The following MEGF11 variants were observed in gnomAD, a reference collection of about 807,000 sequenced individuals.
MEGF11 encodes the protein multiple EGF like domains 11.
Under a neutral mutation model 146.6 loss-of-function variants are expected in MEGF11, and 126 were observed. The observed-to-expected ratio is 0.86, with a 90% CI of 0.74 to 1.00. The LOEUF (loss-of-function observed/expected upper bound fraction) is 1.00, where lower values mean the gene tolerates loss of function less well. Among genes scored for constraint, MEGF11 ranks in the 50% least tolerant of loss-of-function variants. The pLI, the probability that MEGF11 is intolerant of heterozygous loss-of-function variation, is 0.00. For synonymous variants in MEGF11, 532 were observed against 583.4 expected, an observed-to-expected ratio of 0.91 and a Z score of 1.27; for missense variants, 1,509 against 1,521.2, an observed-to-expected ratio of 0.99 and a Z score of 0.13.
intron 1 of MEGF11, among the ~76,000 whole-genome samples, chr15:66,201,477 T>G (rs2091156212): frequency 6.6e-6 from 1 of 151,994 alleles, no homozygotes; most frequent in Non-Finnish European, 1.5e-5. Context: ...CCAGGGGTGC[T>G]GAGGCCAAGC....
chr15:66,169,424 C>T (rs1438801748), intron 1 of MEGF11, among the ~76,000 whole-genome samples: 2 of 152,220 alleles, frequency 1.3e-5, no homozygotes, highest in African/African-American at 4.8e-5. Flanking sequence ...AGGGATGGTC[C>T]TGACACTCAG....
chr15:66,166,813 C>G (rs1567269944), intron 1 of MEGF11, among the ~76,000 whole-genome samples: 1 of 152,040 alleles, frequency 6.6e-6, no homozygotes, highest in Non-Finnish European at 1.5e-5. Flanking sequence ...CATCCCAGGC[C>G]CTGGCACGCC....
chr15:66,089,483 A>G (rs997525384), intron 5 of MEGF11, among the ~76,000 whole-genome samples: 3 of 152,230 alleles, frequency 2.0e-5, no homozygotes, highest in African/African-American at 7.2e-5. Flanking sequence ...GGGCAGGCTC[A>G]GGCCCAAAAC....
At chr15:65,902,873 A>G (rs1006155106) in intron 24 of MEGF11, among the ~76,000 whole-genome samples, 3 of 152,188 alleles carry the variant, frequency 2.0e-5, no homozygotes, top group Non-Finnish European at 2.9e-5. Context: ...AAATCTAGAG[A>G]GAGGCAGTGA....
intron 5 of MEGF11, among the ~76,000 whole-genome samples, chr15:66,066,726 G>A (rs2085143521): frequency 6.6e-6 from 1 of 152,248 alleles, no homozygotes; most frequent in Non-Finnish European, 1.5e-5. Context: ...GGCTGAGCCT[G>A]CCTCCTTAAT....
intron 1 of MEGF11, among the ~76,000 whole-genome samples, chr15:66,215,675 G>A (rs1419067682): frequency 6.6e-6 from 1 of 152,152 alleles, no homozygotes; most frequent in Non-Finnish European, 1.5e-5. Context: ...GGAACAGGAG[G>A]GTCAACAGAG....
At chr15:66,129,838 T>A (rs1043420377) in intron 1 of MEGF11, among the ~76,000 whole-genome samples, 5 of 152,168 alleles carry the variant, frequency 3.3e-5, no homozygotes, top group African/African-American at 1.2e-4. Flanking sequence ...TGTATAACCG[T>A]GGGGGTCTAA....
chr15:66,198,412 A>G (rs2091062339), intron 1 of MEGF11, among the ~76,000 whole-genome samples: 1 of 152,212 alleles, frequency 6.6e-6, no homozygotes, highest in Non-Finnish European at 1.5e-5. Context: ...CTACCTTGGT[A>G]CTTCACCACC....
At chr15:66,047,938 G>C (rs1276857726) in intron 5 of MEGF11, among the ~76,000 whole-genome samples, 1 of 137,342 alleles carries the variant, frequency 7.3e-6, no homozygotes, top group African/African-American at 2.7e-5. Flanking sequence ...TATCTCCATG[G>C]GCCCTGGGAG....
chr15:66,159,056 A>G (rs2089862227), intron 1 of MEGF11, among the ~76,000 whole-genome samples: 1 of 152,202 alleles, frequency 6.6e-6, no homozygotes, highest in Admixed American at 6.5e-5. Context: ...TAGACCTTCC[A>G]CGTTCCTGAA....
intron 10 of MEGF11, among the ~76,000 whole-genome samples, chr15:65,945,496 C>G (rs2080156518): frequency 6.6e-6 from 1 of 152,142 alleles, no homozygotes; most frequent in Non-Finnish European, 1.5e-5. Flanking sequence ...CAGCCCTGGG[C>G]TGGGGAGTGC....
chr15:66,102,519 T>C (rs2086866310), intron 4 of MEGF11, among the ~76,000 whole-genome samples: 1 of 150,760 alleles, frequency 6.6e-6, no homozygotes, highest in Non-Finnish European at 1.5e-5. Context: ...CTCCAACTCC[T>C]GGGCTCAAGC....
chr15:65,897,313 G>A lies in MEGF11; in HGVS notation c.*621C>T, dbSNP rs2078376884. The A allele has an allele frequency of 6.6e-6, 1 of 152,204 alleles. No homozygotes were observed. Among genetic ancestry groups the A allele is most frequent in the Non-Finnish European group, 1.5e-5 (1 of 68,042 alleles). The allele number at this position is 152,204 out of a possible 1,614,324, so 9.4% of individuals were successfully genotyped here. On this transcript the variant is annotated 3_prime_UTR_variant, in exon 26 of 26. Transcript: ENST00000395614. Reference sequence around the variant, plus strand: ...TGTGTTTAAACCTATCACTTAGGGGGCAGAAGAAAGTAAAGTCTTGTTTTT... The same window carrying A: ...TGTGTTTAAACCTATCACTTAGGGGACAGAAGAAAGTAAAGTCTTGTTTTT...
chr15:65,932,905 C>G (rs1287845373), intron 10 of MEGF11, among the ~76,000 whole-genome samples: 1 of 152,094 alleles, frequency 6.6e-6, no homozygotes, highest in Admixed American at 6.6e-5. Context: ...GTCTGGGCCC[C>G]ACTAGCTGTG....
chr15:66,210,084 C>T (rs956376110), intron 1 of MEGF11, among the ~76,000 whole-genome samples: 3 of 152,064 alleles, frequency 2.0e-5, no homozygotes, highest in Non-Finnish European at 2.9e-5. Flanking sequence ...CCTCAGCCTC[C>T]GAAAGTGTTG....
At position 65,982,557 on chromosome 15, in the gene MEGF11, G is replaced by A. The variant is rs550908066; in HGVS notation, c.395-69C>T. 6 of 1,403,174 alleles carry A rather than the reference G, an allele frequency of 4.3e-6. No individual in the cohort carries two copies. In the South Asian group the frequency reaches 4.7e-5, roughly 11 times the overall value. 86.9% of individuals were successfully genotyped at this position (1,403,174 alleles called of 1,614,324 possible). ...CTCCTTGGGGCAGGGGCCAGGAACC[G>A]ATGCCCATGCGGCCTTCCCATCTTT... On this transcript the variant is annotated intron_variant, in intron 5 of 25. Coordinates refer to ENST00000395614, the MANE Select transcript of MEGF11 (RefSeq NM_001385028.1). The surrounding 1 kb of genome is among the most constrained non-coding windows in gnomAD (Gnocchi z 5.6).
intron 1 of MEGF11, among the ~76,000 whole-genome samples, chr15:66,145,342 A>G (rs1009100323): frequency 1.3e-5 from 2 of 152,148 alleles, no homozygotes; most frequent in African/African-American, 4.8e-5. Context: ...AGGAGGTAAA[A>G]AAAAAAAATT....
chr15:66,161,670 C>T lies in MEGF11; in HGVS notation c.-8-33259G>A, dbSNP rs188446606. On this transcript the variant is annotated intron_variant, in intron 1 of 25. Coordinates refer to ENST00000395614, the MANE Select transcript of MEGF11 (RefSeq NM_001385028.1). Reference sequence around the variant, plus strand: ...GGCCTCCCAAAGTGCTGGGGGATTACAGTCATGAGCCACTGCACCCACCCA... The same window carrying T: ...GGCCTCCCAAAGTGCTGGGGGATTATAGTCATGAGCCACTGCACCCACCCA... Among the ~76,000 whole-genome samples, 25 of 152,218 alleles carry T rather than the reference C, an allele frequency of 1.6e-4. 1 individual carries two copies. The highest frequency in any genetic ancestry group is 1.4e-3 in the Admixed American group (22 of 15,292).
intron 5 of MEGF11, among the ~76,000 whole-genome samples, chr15:66,018,137 A>C (rs1349456949): frequency 6.6e-6 from 1 of 152,138 alleles, no homozygotes; most frequent in Non-Finnish European, 1.5e-5. Context: ...AAGGAAGGGC[A>C]GTCCACAGGA....
Sources: gnomAD v4.1 joint callset for allele counts (sites outside exome capture counted in the v4.1 genomes callset) on GRCh38, gnomAD v4.1.1 for gene constraint, Gnocchi (gnomAD v3.1) non-coding constraint, MANE v1.5 for transcripts, NCBI Gene and HGNC (gene_info 2026-07-23, HGNC 2026-07-21) for gene names.